MMS22L: variants seen among roughly 807,000 people sequenced by gnomAD.
MMS22L encodes MMS22 like, DNA repair protein.
A neutral mutation model predicts 159.1 loss-of-function variants in MMS22L; 74 were observed. That is an observed-to-expected ratio of 0.47 (90% CI 0.39 to 0.56). The LOEUF is 0.56. MMS22L is among the 20% of genes least tolerant of loss of function. The pLI is 0.00. For missense variants in MMS22L, 1,351 were observed against 1,422.1 expected (o/e 0.95, Z 0.80); for synonymous variants, 517 against 506.9 (o/e 1.02, Z -0.27).
chr6:97,247,239 T>C (rs751211262), intron 10 of MMS22L, among the ~76,000 whole-genome samples: 1 of 152,064 alleles, frequency 6.6e-6, no homozygotes, highest in East Asian at 1.9e-4. Context: ...AAAGGCTAGG[T>C]AGGCACTTAA....
intron 19 of MMS22L, 128 bp downstream of exon 19, chr6:97,172,935 C>T: frequency 3.6e-6 from 3 of 823,934 alleles, no homozygotes; most frequent in Admixed American, 6.4e-5. Context: ...AGCTAAATCA[C>T]TGTATTTCAG....
intron 3 of MMS22L, among the ~76,000 whole-genome samples, chr6:97,280,305 A>C (rs1816643250): frequency 6.6e-6 from 1 of 152,114 alleles, no homozygotes; most frequent in African/African-American, 2.4e-5. Context: ...GTCTTAAATG[A>C]TAATGAAGAA....
chr6:97,148,261 T>A (rs958024421), intron 24 of MMS22L, among the ~76,000 whole-genome samples: 1 of 152,196 alleles, frequency 6.6e-6, no homozygotes, highest in East Asian at 1.9e-4. Flanking sequence ...TACTTGATAA[T>A]AAGAAAGAAT....
At chr6:97,251,559 C>T (rs892236089) in intron 10 of MMS22L, among the ~76,000 whole-genome samples, 2 of 152,152 alleles carry the variant, frequency 1.3e-5, no homozygotes, top group African/African-American at 2.4e-5. Context: ...ATATATTACA[C>T]ATCCTCATCA....
At chr6:97,227,646 A>G (rs537536520) in intron 14 of MMS22L, among the ~76,000 whole-genome samples, 1 of 152,242 alleles carries the variant, frequency 6.6e-6, no homozygotes, top group African/African-American at 2.4e-5. Flanking sequence ...TAAATTCCCA[A>G]AATTTGGAAA....
rs770807683 is a variant in MMS22L, at chr6:97,269,909, T to C, written c.690A>G (p.Glu230=). The change falls in exon 7 of 25, where the codon GAA becomes GAG. Residue 230 remains glutamate (E), a synonymous_variant. Coordinates refer to ENST00000683635, the MANE Select transcript of MMS22L (RefSeq NM_001350599.2). ...ATAAATCCATAAACTTACTCAATTT[T>C]TCACCCAGCATGTAAAGAATTTCTA... The part of the protein sequence containing the change: ...LVLEILYMLG[E]KLKQVVYGHQ... 3.1e-6 allele frequency: 5 copies of C among 1,607,196 alleles called. No individual in the cohort carries two copies. In the East Asian group the frequency reaches 1.1e-4, roughly 36 times the overall value.
rs929702972 is a variant in MMS22L, at chr6:97,146,516, C to T, written c.*290G>A. The T allele has an allele frequency of 9.7e-5, 20 of 205,800 alleles. No individual in the cohort carries two copies. The highest frequency in any genetic ancestry group is 4.4e-4 in the African/African-American group (19 of 42,966). 12.7% of individuals were successfully genotyped at this position (205,800 alleles called of 1,614,324 possible). ...CTATGGATGAAGTATCTGCTTAATA[C>T]TCACACACAGAAAACACTCTCAGAA... On this transcript the variant is annotated 3_prime_UTR_variant, in exon 25 of 25. Coordinates refer to ENST00000683635, the MANE Select transcript of MMS22L (RefSeq NM_001350599.2).
intron 19 of MMS22L, among the ~76,000 whole-genome samples, chr6:97,169,969 C>T (rs979397599): frequency 1.3e-5 from 2 of 151,878 alleles, no homozygotes; most frequent in African/African-American, 4.8e-5. Context: ...GATATTTTGA[C>T]GAGGGGGTGG....
At chr6:97,258,243 T>C (rs1381146243) in intron 9 of MMS22L, among the ~76,000 whole-genome samples, 1 of 152,234 alleles carries the variant, frequency 6.6e-6, no homozygotes, top group Non-Finnish European at 1.5e-5. Flanking sequence ...TTTTAGCCTA[T>C]AGACCTTAAG....
chr6:97,208,428 T>C (rs1187295992), intron 14 of MMS22L, among the ~76,000 whole-genome samples: 1 of 152,040 alleles, frequency 6.6e-6, no homozygotes, highest in Non-Finnish European at 1.5e-5. Flanking sequence ...ATAAGACAAA[T>C]TCCCGGCCCT....
Position 97,246,691 on chromosome 6 carries a change from C to T in MMS22L, c.1120-1G>A, listed in dbSNP as rs1305235758. On this transcript the variant is annotated splice_acceptor_variant, in intron 10 of 24. Transcript: ENST00000683635. LOFTEE classifies it high-confidence loss of function. ...AGTTCCAATTTGATTCCACTTTTCT[C>T]TAGAAAGGGAGAAAATAGTGCATCA... 1 of 1,567,502 alleles carries T rather than the reference C, an allele frequency of 6.4e-7. No individual in the cohort carries two copies. Among genetic ancestry groups the T allele is most frequent in the Non-Finnish European group, 8.6e-7 (1 of 1,160,516 alleles).
intron 10 of MMS22L, among the ~76,000 whole-genome samples, chr6:97,252,131 A>T (rs898690929): frequency 1.3e-5 from 2 of 151,974 alleles, no homozygotes; most frequent in Non-Finnish European, 2.9e-5. Context: ...CTGCAACCAT[A>T]GGTGGTTATA....
rs1369449147 is a variant in MMS22L at position 97,149,966 on chromosome 6, T to C, written c.3537A>G (p.Leu1179=). Residue 1179 remains leucine, a synonymous_variant, in exon 24 of 25, where the codon TTA becomes TTG. Coordinates refer to ENST00000683635, the MANE Select transcript of MMS22L (RefSeq NM_001350599.2). ...GCTGGTCCAATGTTGCTACTGTTTC[T>C]AAAATGCTGTAAACCTGGTAATAGT... is the stretch of plus-strand genomic sequence containing the variant. ...MRYYYQVYSI[L]ETVATLDQQV... The C allele has an allele frequency of 1.9e-6, 3 of 1,613,642 alleles. No individual in the cohort carries two copies. Among genetic ancestry groups the C allele is most frequent in the Non-Finnish European group, 2.5e-6 (3 of 1,179,732 alleles).
At chr6:97,263,740 G>A (rs149789073) in intron 8 of MMS22L, 2,917 of 183,336 alleles carry the variant, frequency 0.016, 80 homozygotes, top group African/African-American at 0.067. Context: ...ATGGAGTCTC[G>A]CTCTGTCACC....
At chr6:97,183,483 C>T (rs1190965219) in intron 15 of MMS22L, among the ~76,000 whole-genome samples, 15 of 152,144 alleles carry the variant, frequency 9.9e-5, no homozygotes, top group Admixed American at 9.8e-4. Context: ...TTCAAGTAGG[C>T]TCTTAGAATT....
chr6:97,177,455 T>C (rs1000135885), intron 18 of MMS22L, among the ~76,000 whole-genome samples: 2 of 152,156 alleles, frequency 1.3e-5, no homozygotes, highest in Non-Finnish European at 2.9e-5. Context: ...CATAATATTA[T>C]CTAGCATTCA....
chr6:97,194,490 C>G (rs1216228280), intron 14 of MMS22L, among the ~76,000 whole-genome samples: 1 of 152,036 alleles, frequency 6.6e-6, no homozygotes, highest in Non-Finnish European at 1.5e-5. Flanking sequence ...TAATAAAGGC[C>G]AAACACTTAG....
Position 97,235,749 on chromosome 6 carries a change from G to A in MMS22L, c.1183-1769C>T, listed in dbSNP as rs558252332. The stretch of plus-strand genomic sequence containing the variant: ...TGGCTGAGGACATCTAGGAGGTGAG[G>A]AAGTAAATATTTAAGTGAAAATACA... On this transcript the variant is annotated intron_variant, in intron 11 of 24. Transcript: ENST00000683635. 9.2e-5 allele frequency among the ~76,000 whole-genome samples: 14 copies of A among 152,256 alleles called. No homozygotes were observed. The South Asian group carries it at 1.2e-3, about 14-fold the overall frequency.
At chr6:97,174,945 T>A (rs1457165003) in intron 18 of MMS22L, among the ~76,000 whole-genome samples, 1 of 152,160 alleles carries the variant, frequency 6.6e-6, no homozygotes, top group Non-Finnish European at 1.5e-5. Context: ...ACTTGACTAA[T>A]CCCATTCCTC....
Sources: gnomAD v4.1 joint callset for allele counts (sites outside exome capture counted in the v4.1 genomes callset) on GRCh38, gnomAD v4.1.1 for gene constraint, MANE v1.5 for transcripts, NCBI Gene and HGNC (gene_info 2026-07-23, HGNC 2026-07-21) for gene names.